The following MALRD1 variants were observed in gnomAD, a reference collection of about 807,000 sequenced individuals.
MALRD1 encodes the protein MAM and LDL receptor class A domain containing 1.
Under a neutral mutation model 242.1 loss-of-function variants are expected in MALRD1, and 247 were observed. The ratio of observed to expected loss-of-function variants is 1.02; its 90% CI spans 0.92 to 1.13. The LOEUF (loss-of-function observed/expected upper bound fraction) is 1.13. Ranked by LOEUF, MALRD1 falls within the 50% of genes most tolerant of loss-of-function variation. The pLI, the probability that MALRD1 is intolerant of heterozygous loss-of-function variation, is 0.00. For synonymous variants in MALRD1, 995 were observed against 866.6 expected, an observed-to-expected ratio of 1.15 and a Z score of -2.60; for missense variants, 2,989 against 2,533.1, an observed-to-expected ratio of 1.18 and a Z score of -3.86.
intron 24 of MALRD1, among the ~76,000 whole-genome samples, chr10:19,346,720 C>T (rs959272120): frequency 2.6e-5 from 4 of 152,056 alleles, no homozygotes; most frequent in African/African-American, 4.8e-5. Context: ...GGCACAGTCT[C>T]GCTCACTGCA....
rs1224113492 is a variant in MALRD1, at chr10:19,322,423, A to G, written c.3420-1526A>G. ...TCATTAGGAAGAATGAATGATATATATATAACCACAAATTACAACTACCAT... is the reference window on the plus strand; with the variant it reads ...TCATTAGGAAGAATGAATGATATATGTATAACCACAAATTACAACTACCAT... On this transcript the variant is annotated intron_variant, in intron 21 of 39. Coordinates refer to ENST00000454679, the MANE Select transcript of MALRD1 (RefSeq NM_001142308.3). Among the ~76,000 whole-genome samples, 15 of 152,210 alleles carry G rather than the reference A, an allele frequency of 9.9e-5. 1 individual carries two copies. The highest frequency in any genetic ancestry group is 9.8e-4 in the Admixed American group (15 of 15,272).
intron 38 of MALRD1, among the ~76,000 whole-genome samples, chr10:19,697,536 A>C (rs1302227029): frequency 6.6e-6 from 1 of 152,168 alleles, no homozygotes; most frequent in East Asian, 1.9e-4. Flanking sequence ...CCAAGTTAAC[A>C]CAAAAAGTTT....
chr10:19,585,881 G>T (rs925978105), intron 33 of MALRD1, among the ~76,000 whole-genome samples: 40 of 152,050 alleles, frequency 2.6e-4, no homozygotes, highest in Non-Finnish European at 5.0e-4. Context: ...CGTAGATTTG[G>T]TCTTTTCACA....
intron 22 of MALRD1, 95 bp downstream of exon 22, chr10:19,324,200 A>G: frequency 8.2e-7 from 1 of 1,225,638 alleles, no homozygotes. Context: ...TAATAAGTGA[A>G]AATGGACAAT....
At chr10:19,311,986 A>G (rs558381270) in intron 21 of MALRD1, among the ~76,000 whole-genome samples, 3 of 151,552 alleles carry the variant, frequency 2.0e-5, no homozygotes, top group Admixed American at 6.6e-5. Context: ...TATATTCAGA[A>G]TTTAGATTGG....
At chr10:19,682,846 T>C (rs1460320789) in intron 36 of MALRD1, among the ~76,000 whole-genome samples, 2 of 152,174 alleles carry the variant, frequency 1.3e-5, no homozygotes, top group African/African-American at 2.4e-5. Context: ...AGAGCAGTAC[T>C]TTCTCCCGCC....
chr10:19,491,801 A>C (rs1037060572), intron 30 of MALRD1, among the ~76,000 whole-genome samples, 156 bp downstream of exon 30: 2 of 152,216 alleles, frequency 1.3e-5, no homozygotes, highest in African/African-American at 2.4e-5. Flanking sequence ...ATTTGTATAC[A>C]AGTATCAAAT....
chr10:19,368,252 TTG>T (rs1215935937), intron 26 of MALRD1, among the ~76,000 whole-genome samples: 1 of 152,090 alleles, frequency 6.6e-6, no homozygotes, highest in Non-Finnish European at 1.5e-5. Context: ...GCTTATAGTT[TTG>T]TGTCTTAAAT....
At chr10:19,596,079 T>C (rs1838085378) in intron 34 of MALRD1, among the ~76,000 whole-genome samples, 1 of 152,194 alleles carries the variant, frequency 6.6e-6, no homozygotes, top group African/African-American at 2.4e-5. Context: ...CAATAATACC[T>C]AACTTACAAG....
intron 18 of MALRD1, among the ~76,000 whole-genome samples, chr10:19,249,661 A>G (rs1338040617): frequency 6.6e-6 from 1 of 152,000 alleles, no homozygotes; most frequent in Non-Finnish European, 1.5e-5. Context: ...TACTTATATG[A>G]TTCTAAACAA....
intron 17 of MALRD1, among the ~76,000 whole-genome samples, chr10:19,207,177 A>G (rs901502861): frequency 5.3e-5 from 8 of 152,184 alleles, no homozygotes; most frequent in African/African-American, 1.4e-4. Flanking sequence ...GACAGTTGAC[A>G]TTTATTTAAA....
intron 18 of MALRD1, among the ~76,000 whole-genome samples, chr10:19,236,736 T>C (rs1320333644): frequency 6.6e-6 from 1 of 152,160 alleles, no homozygotes; most frequent in Non-Finnish European, 1.5e-5. Flanking sequence ...TACTTTAAAA[T>C]TTTATTTCAG....
chr10:19,449,230 G>A (rs1439922467), intron 28 of MALRD1, among the ~76,000 whole-genome samples: 2 of 152,212 alleles, frequency 1.3e-5, no homozygotes, highest in African/African-American at 4.8e-5. Flanking sequence ...AGGCTGGAGT[G>A]CAGTGGCGCG....
chr10:19,429,809 C>G (rs530450755), intron 28 of MALRD1, among the ~76,000 whole-genome samples: 15 of 152,158 alleles, frequency 9.9e-5, no homozygotes, highest in African/African-American at 2.9e-4. Flanking sequence ...TTCAATGTGA[C>G]CCTTCAATTC....
chr10:19,678,079 G>A (rs997547716), intron 36 of MALRD1, among the ~76,000 whole-genome samples: 4 of 152,112 alleles, frequency 2.6e-5, no homozygotes, highest in South Asian at 2.1e-4. Flanking sequence ...TAGCCTTGTA[G>A]TACAGTTTGA....
intron 38 of MALRD1, among the ~76,000 whole-genome samples, chr10:19,700,437 C>A (rs1465081147): frequency 6.6e-6 from 1 of 152,094 alleles, no homozygotes; most frequent in Non-Finnish European, 1.5e-5. Context: ...TAAAAGTGAC[C>A]ATAAATTTAT....
At chr10:19,073,121 G>T (rs535652366) in intron 2 of MALRD1, among the ~76,000 whole-genome samples, 8 of 152,096 alleles carry the variant, frequency 5.3e-5, no homozygotes, top group Non-Finnish European at 1.0e-4. Flanking sequence ...CACCATGTTG[G>T]CCAGACTGGT....
chr10:19,715,149 A>T lies in MALRD1; in HGVS notation c.6315-15557A>T, dbSNP rs1261537920. Among the ~76,000 whole-genome samples the T allele has an allele frequency of 3.9e-5, 6 of 152,146 alleles. No individual in the cohort carries two copies. In the East Asian group the frequency reaches 1.2e-3, roughly 29 times the overall value. On this transcript the variant is annotated intron_variant, in intron 38 of 39. Coordinates refer to ENST00000454679, the MANE Select transcript of MALRD1 (RefSeq NM_001142308.3). ...TAAAATTGAAATTGCTACGAAATTT[A>T]TTGCTCCTTATTTCCCTATACTGAC...
chr10:19,628,193 A>G (rs960611149), intron 36 of MALRD1, among the ~76,000 whole-genome samples: 1 of 152,330 alleles, frequency 6.6e-6, no homozygotes, highest in Middle Eastern at 3.4e-3. Context: ...TTGTGGGACT[A>G]TAGCTTTTCT....
Sources: allele counts gnomAD v4.1 joint callset (sites outside exome capture counted in the v4.1 genomes callset), GRCh38; gene constraint gnomAD v4.1.1; transcripts MANE v1.5; gene names NCBI Gene and HGNC (gene_info 2026-07-23, HGNC 2026-07-21).